The following HIVEP3 variants were observed in gnomAD, a reference collection of about 807,000 sequenced individuals.
HIVEP3 encodes the protein transcription factor HIVEP3.
In HIVEP3, 49 loss-of-function variants were observed where a neutral mutation model predicts 152.8. That is an observed-to-expected ratio of 0.32 (90% CI 0.26 to 0.41). The LOEUF (loss-of-function observed/expected upper bound fraction) is 0.41. HIVEP3 is among the 10% of genes least tolerant of loss of function. The probability of loss-of-function intolerance (pLI) is 1.00; values close to 1 mark genes in which losing one functional copy is unlikely to be tolerated. For missense variants in HIVEP3, 2,790 were observed against 3,103.3 expected, an observed-to-expected ratio of 0.90 and a Z score of 2.40; for synonymous variants, 1,269 against 1,289.0, an observed-to-expected ratio of 0.98 and a Z score of 0.33.
chr1:41,629,813 A>C (rs779549350), intron 2 of HIVEP3, among the ~76,000 whole-genome samples: 85 of 152,202 alleles, frequency 5.6e-4, no homozygotes, highest in Admixed American at 3.0e-3. Flanking sequence ...GGGAATGCTT[A>C]TACGCGGTTG....
intron 5 of HIVEP3, among the ~76,000 whole-genome samples, chr1:41,545,207 TATCGCCACCACCACC>T (rs1643721777): frequency 2.9e-5 from 1 of 34,770 alleles, no homozygotes; most frequent in Admixed American, 2.7e-4. Flanking sequence ...CCACCACCAC[TATCGCCACCACCACC>T]ATCGCTACCA....
In HIVEP3 at chr1:41,580,373, G is replaced by A. The variant is rs138595003; in HGVS notation, c.4425C>T (p.Thr1475=). Residue 1475 remains threonine (T), a synonymous_variant, in exon 4 of 9, where the codon ACC becomes ACT. Transcript: ENST00000372583. ...ATTTCTCTGGCCTCTTCCCATCCTC[G>A]GTGCTGGTAAGGACCACACTGCATG... is the stretch of plus-strand genomic sequence containing the variant. ...VKPCSVVLTS[T]EDGKRPEKSH... 16 of 1,614,094 alleles carry A rather than the reference G, an allele frequency of 9.9e-6. No individual in the cohort carries two copies. The highest frequency in any genetic ancestry group is 6.7e-5 in the African/African-American group (5 of 75,006).
intron 2 of HIVEP3, among the ~76,000 whole-genome samples, chr1:41,675,984 G>A (rs930460075): frequency 7.2e-5 from 11 of 152,106 alleles, no homozygotes; most frequent in African/African-American, 1.2e-4. Context: ...GCCAATGGCC[G>A]GGCAACATCT....
At chr1:41,919,400 G>A (rs1489737462), upstream of HIVEP3, among the ~76,000 whole-genome samples, 2 of 152,172 alleles carry the variant, frequency 1.3e-5, no homozygotes, top group Admixed American at 6.5e-5. Context: ...AGCTCAACAC[G>A]GGCACTCCTT....
chr1:41,643,342 AT>A (rs1645406264), intron 2 of HIVEP3, among the ~76,000 whole-genome samples: 1 of 152,210 alleles, frequency 6.6e-6, no homozygotes, highest in Non-Finnish European at 1.5e-5. Context: ...AGCGACATTT[AT>A]TCCCCTGCAC....
At chr1:41,905,945 C>T (rs7536025) in intron 1 of HIVEP3, among the ~76,000 whole-genome samples, 5,439 of 152,202 alleles carry the variant, frequency 0.036, 306 homozygotes, top group African/African-American at 0.13. Flanking sequence ...TGTGAGTGTT[C>T]GTGGCAGCTT....
At chr1:41,885,965 A>T (rs1644339979) in intron 1 of HIVEP3, among the ~76,000 whole-genome samples, 2 of 152,172 alleles carry the variant, frequency 1.3e-5, no homozygotes, top group Non-Finnish European at 2.9e-5. Flanking sequence ...TGAGGTGCAG[A>T]TTTACTGTGA....
rs12042478 is a variant in HIVEP3 at position 41,509,465 on chromosome 1, C to G, written c.*986G>C. 1.3e-5 allele frequency: 2 copies of G among 152,278 alleles called. No individual in the cohort carries two copies. 9.4% of individuals were successfully genotyped at this position (152,278 alleles called of 1,614,324 possible). On this transcript the variant is annotated 3_prime_UTR_variant, in exon 9 of 9. Transcript: ENST00000372583. ...GATGAAACAAAACCCAAAACCCAGT[C>G]TCAGGAACGGCCGCTAGGGCTCGGG... is the stretch of plus-strand genomic sequence containing the variant.
intron 1 of HIVEP3, among the ~76,000 whole-genome samples, chr1:42,004,318 A>G (rs969317159): frequency 6.6e-6 from 1 of 152,234 alleles, no homozygotes; most frequent in Non-Finnish European, 1.5e-5. Flanking sequence ...TGATTTTCTC[A>G]GTCAAGGGCA....
chr1:41,890,975 C>T (rs1282410052), intron 1 of HIVEP3, among the ~76,000 whole-genome samples: 1 of 152,194 alleles, frequency 6.6e-6, no homozygotes, highest in Non-Finnish European at 1.5e-5. Flanking sequence ...GTCCTGCTTC[C>T]ACCACACGGG....
At chr1:42,023,646 C>G (rs1360576982) in intron 1 of HIVEP3, among the ~76,000 whole-genome samples, 1 of 151,990 alleles carries the variant, frequency 6.6e-6, no homozygotes, top group Admixed American at 6.5e-5. Flanking sequence ...TGTAGCACCT[C>G]CCGCCATTCT....
At chr1:41,965,801 A>G (rs1292705382) in intron 1 of HIVEP3, among the ~76,000 whole-genome samples, 1 of 152,252 alleles carries the variant, frequency 6.6e-6, no homozygotes, top group African/African-American at 2.4e-5. Flanking sequence ...GTTGGAAAAC[A>G]TACATCAAAA....
chr1:41,628,500 G>A (rs1245919218), intron 3 of HIVEP3, among the ~76,000 whole-genome samples: 1 of 152,184 alleles, frequency 6.6e-6, no homozygotes, highest in African/African-American at 2.4e-5. Context: ...GGTACTGGGA[G>A]GGGGCGGACT....
chr1:41,841,862 G>T (rs995853815), intron 1 of HIVEP3, among the ~76,000 whole-genome samples: 1 of 152,128 alleles, frequency 6.6e-6, no homozygotes, highest in Non-Finnish European at 1.5e-5. Flanking sequence ...AGCCGAGGCA[G>T]GTGGATCACT....
Position 41,993,134 on chromosome 1 carries a change from A to C in HIVEP3, n.119+42673T>G, listed in dbSNP as rs1256688654. Among the ~76,000 whole-genome samples the C allele has an allele frequency of 1.4e-3, 214 of 150,818 alleles. 1 individual carries two copies. Among genetic ancestry groups the C allele is most frequent in the African/African-American group, 4.8e-3 (197 of 41,182 alleles). On this transcript the variant is annotated intron_variant and non_coding_transcript_variant, in intron 1 of 3. Coordinates refer to the HIVEP3 transcript ENST00000489103. ...ACACCAAAAGCAATGGTAACAAAAG[A>C]CAAAATTGACAAATGGGATCTAATT...
intron 1 of HIVEP3, among the ~76,000 whole-genome samples, chr1:41,765,957 G>A (rs917902950): frequency 3.3e-5 from 5 of 152,174 alleles, no homozygotes; most frequent in Admixed American, 2.6e-4. Flanking sequence ...GCCTGCCCTG[G>A]CCCACGCTGG....
At chr1:41,709,056 G>A (rs1407678871) in intron 1 of HIVEP3, among the ~76,000 whole-genome samples, 4 of 152,190 alleles carry the variant, frequency 2.6e-5, no homozygotes, top group African/African-American at 4.8e-5. Flanking sequence ...TGGGGAAGAT[G>A]TTCCTCTTCT....
In HIVEP3 at chr1:41,628,909, A is replaced by G. The variant is rs1281445081; in HGVS notation, c.-682T>C. ...GGCCAGGACCCCGCGAGGCTCCTCC[A>G]TGAACTAGGTTGAGGCTGCTGGGTT... On this transcript the variant is annotated 5_prime_UTR_variant, in exon 3 of 9. The change abolishes an upstream ATG in the 5' untranslated region. Transcript: ENST00000372583. 9.7e-6 allele frequency: 12 copies of G among 1,231,492 alleles called. No individual in the cohort carries two copies. Among genetic ancestry groups the G allele is most frequent in the Non-Finnish European group, 1.2e-5 (12 of 987,790 alleles). 76.3% of individuals were successfully genotyped at this position (1,231,492 alleles called of 1,614,324 possible). A position where few individuals can be genotyped will look rare whatever the true frequency, so the allele number is the denominator to read the frequency against.
chr1:41,893,761 T>C (rs1285564632), intron 1 of HIVEP3, among the ~76,000 whole-genome samples: 1 of 147,706 alleles, frequency 6.8e-6, no homozygotes, highest in African/African-American at 2.5e-5. Flanking sequence ...TATTCATATA[T>C]ACATATTTTT....
Sources: gnomAD v4.1 joint callset for allele counts (sites outside exome capture counted in the v4.1 genomes callset) on GRCh38, gnomAD v4.1.1 for gene constraint, MANE v1.5 for transcripts, NCBI Gene and HGNC (gene_info 2026-07-23, HGNC 2026-07-21) for gene names.